The following NAA35 variants were observed in gnomAD, a reference collection of about 807,000 sequenced individuals.
NAA35 encodes the protein N-alpha-acetyltransferase 35, NatC auxiliary subunit.
Under a neutral mutation model 101.7 loss-of-function variants are expected in NAA35, and 18 were observed. That is an observed-to-expected ratio of 0.18 (90% confidence interval 0.12 to 0.26). The LOEUF is 0.26. NAA35 is among the 10% of genes least tolerant of loss of function. NAA35 has a pLI of 1.00. For missense variants in NAA35, 601 were observed against 886.8 expected (o/e 0.68, Z 4.09); for synonymous variants, 267 against 273.1 (o/e 0.98, Z 0.22).
Position 86,003,305 on chromosome 9 carries a change from A to T in NAA35, c.1057-280A>T, listed in dbSNP as rs115267353. ...AAGTTCTGCCATGACTTAGTAAATT[A>T]TTATTGGTATTATTTTTATGGTATA... is the stretch of plus-strand genomic sequence containing the variant. On this transcript the variant is annotated intron_variant, in intron 12 of 22. Coordinates refer to ENST00000361671, the MANE Select transcript of NAA35 (RefSeq NM_024635.4). Among the ~76,000 whole-genome samples the T allele has an allele frequency of 5.2e-3, 787 of 152,328 alleles. 4 individuals are homozygous for T. The highest frequency in any genetic ancestry group is 0.018 in the African/African-American group (751 of 41,564).
chr9:85,972,253 C>G (rs1039414235), intron 6 of NAA35, among the ~76,000 whole-genome samples: 8 of 152,100 alleles, frequency 5.3e-5, no homozygotes, highest in Non-Finnish European at 1.2e-4. Context: ...CACCTGTAAT[C>G]CCAGCACTTT....
Position 86,018,403 on chromosome 9 carries a change from T to C in NAA35, c.1914+8T>C. Reference sequence around the variant, plus strand: ...CACTACTTACAGTTCAAGGTGAACCTGCTCAATGAACTTGTTATGAAATCT... The same window carrying C: ...CACTACTTACAGTTCAAGGTGAACCCGCTCAATGAACTTGTTATGAAATCT... On this transcript the variant is annotated splice_region_variant and intron_variant, in intron 20 of 22. Transcript: ENST00000361671. The C allele has an allele frequency of 6.2e-7, 1 of 1,603,368 alleles. No homozygotes were observed. The highest frequency in any genetic ancestry group is 8.5e-7 in the Non-Finnish European group (1 of 1,173,072).
chr9:85,951,599 G>A (rs540723445), intron 2 of NAA35, among the ~76,000 whole-genome samples: 1 of 152,220 alleles, frequency 6.6e-6, no homozygotes, highest in South Asian at 2.1e-4. Context: ...AACATGCACT[G>A]CCATTTGGAA....
At position 85,954,732 on chromosome 9, in the gene NAA35, G is replaced by T. The variant is rs577382291; in HGVS notation, c.125-1628G>T. Reference sequence around the variant, plus strand: ...AGCTGCAGCAGTTTTGCCCTCCATTGCCTTTTTACCTTCCTATCATTGCTT... The same window carrying T: ...AGCTGCAGCAGTTTTGCCCTCCATTTCCTTTTTACCTTCCTATCATTGCTT... On this transcript the variant is annotated intron_variant, in intron 2 of 22. Coordinates refer to ENST00000361671, the MANE Select transcript of NAA35 (RefSeq NM_024635.4). Among the ~76,000 whole-genome samples the T allele has an allele frequency of 6.6e-5, 10 of 152,160 alleles. No homozygotes were observed. The East Asian group carries it at 1.9e-3, about 29-fold the overall frequency.
At chr9:85,949,514 C>T (rs186099700) in intron 2 of NAA35, among the ~76,000 whole-genome samples, 4 of 151,992 alleles carry the variant, frequency 2.6e-5, no homozygotes, top group Admixed American at 1.3e-4. Flanking sequence ...AGGCTGGTCT[C>T]GAACTCCTGA....
In NAA35 at chr9:85,990,362, T is replaced by A. The variant is rs188491613; in HGVS notation, c.878-6037T>A. ...GTTGTACTGGCAATTAAACTTCAAC[T>A]TGAATTTTGGTGGGGACGAAAACAC... is the stretch of plus-strand genomic sequence containing the variant. On this transcript the variant is annotated intron_variant, in intron 11 of 22. Coordinates refer to ENST00000361671, the MANE Select transcript of NAA35 (RefSeq NM_024635.4). 1.4e-3 allele frequency among the ~76,000 whole-genome samples: 220 copies of A among 152,282 alleles called. 1 individual carries two copies. The highest frequency in any genetic ancestry group is 3.2e-3 in the African/African-American group (131 of 41,570).
At chr9:86,015,309 AC>A (rs2118461664) in intron 17 of NAA35, among the ~76,000 whole-genome samples, 1 of 152,192 alleles carries the variant, frequency 6.6e-6, no homozygotes, top group East Asian at 1.9e-4. Flanking sequence ...GCCCATAAAT[AC>A]CCTTGTGGTC....
intron 13 of NAA35, among the ~76,000 whole-genome samples, chr9:86,006,349 C>T (rs186654468): frequency 1.7e-4 from 26 of 152,304 alleles, no homozygotes; most frequent in Admixed American, 1.3e-3. Flanking sequence ...CTCGAAACCT[C>T]TGCAAATGTG....
intron 2 of NAA35, among the ~76,000 whole-genome samples, 171 bp downstream of exon 2, chr9:85,942,454 T>A (rs1255906413): frequency 2.6e-5 from 4 of 152,256 alleles, no homozygotes; most frequent in Non-Finnish European, 5.9e-5. Context: ...AAATGTATAT[T>A]TGATACAGCA....
intron 2 of NAA35, among the ~76,000 whole-genome samples, chr9:85,942,693 T>G (rs1319062996): frequency 2.0e-5 from 3 of 152,152 alleles, no homozygotes; most frequent in Admixed American, 1.3e-4. Context: ...TCCCTATGGG[T>G]CTATAAAATC....
intron 13 of NAA35, among the ~76,000 whole-genome samples, chr9:86,006,106 G>T (rs911342313): frequency 6.6e-6 from 1 of 151,878 alleles, no homozygotes; most frequent in Non-Finnish European, 1.5e-5. Flanking sequence ...GGAGGCAGAG[G>T]TTGCAGTAAG....
intron 12 of NAA35, among the ~76,000 whole-genome samples, chr9:86,001,064 C>G (rs1450419902): frequency 3.3e-5 from 5 of 152,038 alleles, no homozygotes; most frequent in Non-Finnish European, 1.5e-5. Flanking sequence ...TAGCTGTGTC[C>G]TAGAGATTTT....
In NAA35 at chr9:86,007,500, G is replaced by A. The variant is rs1831699196; in HGVS notation, c.1223+36G>A. The A allele has an allele frequency of 5.9e-6, 9 of 1,534,294 alleles. No individual in the cohort carries two copies. In the South Asian group the frequency reaches 1.0e-4, roughly 17 times the overall value. On this transcript the variant is annotated intron_variant, in intron 14 of 22. Coordinates refer to ENST00000361671, the MANE Select transcript of NAA35 (RefSeq NM_024635.4). ...TAAGACATTTTAGAGTTGTATGTAT[G>A]TGCTCCTTTAAAAGCCCAACTTCTC... is the stretch of plus-strand genomic sequence containing the variant.
intron 3 of NAA35, among the ~76,000 whole-genome samples, chr9:85,957,354 G>A (rs928332399): frequency 6.6e-6 from 1 of 152,176 alleles, no homozygotes; most frequent in African/African-American, 2.4e-5. Flanking sequence ...GCTGAGGAAG[G>A]AAGAGGAAGT....
In NAA35 at chr9:85,941,242, C is replaced by A. The variant is rs1587540801; in HGVS notation, c.-37C>A. 1.0e-6 allele frequency: 1 copy of A among 986,020 alleles called. No homozygotes were observed. Among genetic ancestry groups the A allele is most frequent in the Non-Finnish European group, 1.2e-6 (1 of 830,306 alleles). 61.1% of individuals were successfully genotyped at this position (986,020 alleles called of 1,614,324 possible). A position where few individuals can be genotyped will look rare whatever the true frequency, so the allele number is the denominator to read the frequency against. On this transcript the variant is annotated 5_prime_UTR_variant, in exon 1 of 23. Coordinates refer to ENST00000361671, the MANE Select transcript of NAA35 (RefSeq NM_024635.4). ...CGTTATTTCCGTGGTCCGGACAGTG[C>A]GTGGCGGCGCGGGTGACCACGGGAG...
intron 21 of NAA35, 43 bp from the exon 22 acceptor site, chr9:86,020,846 A>T: frequency 6.7e-7 from 1 of 1,485,732 alleles, no homozygotes; most frequent in South Asian, 1.2e-5. Flanking sequence ...AGAAATTTTG[A>T]CTATGAAGTT....
At chr9:85,981,453 C>T (rs979893567) in intron 11 of NAA35, among the ~76,000 whole-genome samples, 1 of 152,154 alleles carries the variant, frequency 6.6e-6, no homozygotes, top group African/African-American at 2.4e-5. Flanking sequence ...TACTCCTGGG[C>T]TATTCTGCTC....
intron 11 of NAA35, among the ~76,000 whole-genome samples, chr9:85,983,394 T>A (rs1830515761): frequency 3.9e-5 from 6 of 152,158 alleles, no homozygotes; most frequent in Admixed American, 3.9e-4. Flanking sequence ...ATATGCTAAT[T>A]TCAGCAATTC....
At position 85,947,445 on chromosome 9, in the gene NAA35, A is replaced by T. The variant is rs186264181; in HGVS notation, c.124+5162A>T. ...ATGAATGGATGGAAATTGTCCTGGC[A>T]AAAGATCTAGGCAACATGTAAAATT... On this transcript the variant is annotated intron_variant, in intron 2 of 22. Coordinates refer to ENST00000361671, the MANE Select transcript of NAA35 (RefSeq NM_024635.4). Among the ~76,000 whole-genome samples, 103 of 152,348 alleles carry T rather than the reference A, an allele frequency of 6.8e-4. 3 individuals carry two copies. The highest frequency in any genetic ancestry group is 6.5e-3 in the Admixed American group (99 of 15,306).
Sources: allele counts gnomAD v4.1 joint callset (sites outside exome capture counted in the v4.1 genomes callset), GRCh38; gene constraint gnomAD v4.1.1; transcripts MANE v1.5; gene names NCBI Gene and HGNC (gene_info 2026-07-23, HGNC 2026-07-21).